The following RHOBTB1 variants were observed in gnomAD, a reference collection of about 807,000 sequenced individuals.
RHOBTB1 encodes Rho related BTB domain containing 1.
A neutral mutation model predicts 71.6 loss-of-function variants in RHOBTB1; 40 were observed. The ratio of observed to expected loss-of-function variants is 0.56; its 90% CI spans 0.43 to 0.73. RHOBTB1 has a LOEUF of 0.73. Ranked by LOEUF, RHOBTB1 falls within the 30% of genes least tolerant of loss-of-function variation. RHOBTB1 has a pLI of 0.00. For missense variants in RHOBTB1, 797 were observed against 894.0 expected (o/e 0.89, Z 1.38); for synonymous variants, 319 against 334.9 (o/e 0.95, Z 0.52).
Position 60,871,417 on chromosome 10 carries a change from G to A in RHOBTB1, c.*65C>T. The A allele has an allele frequency of 5.3e-6, 8 of 1,522,304 alleles. No individual in the cohort carries two copies. The highest frequency in any genetic ancestry group is 7.2e-6 in the Non-Finnish European group (8 of 1,116,360). The allele number at this position is 1,522,304 out of a possible 1,614,324, so 94.3% of individuals were successfully genotyped here. A position where few individuals can be genotyped will look rare whatever the true frequency, so the allele number is the denominator to read the frequency against. On this transcript the variant is annotated 3_prime_UTR_variant, in exon 11 of 11. Transcript: ENST00000337910. ...CTAACAAGACGAATTTTATAGTAGT[G>A]CTTTGAAAAGTGGTGGATCAGATTA...
intron 2 of RHOBTB1, among the ~76,000 whole-genome samples, chr10:60,966,870 A>C (rs2085981015): frequency 7.1e-6 from 1 of 141,384 alleles, no homozygotes; most frequent in Non-Finnish European, 1.5e-5. Flanking sequence ...CCAGTGTGTG[A>C]TGTTCCCCTT....
At position 60,888,661 on chromosome 10, in the gene RHOBTB1, C is replaced by T; in HGVS notation, c.1007G>A (p.Gly336Asp). 1 of 1,614,216 alleles carries T rather than the reference C, an allele frequency of 6.2e-7. No homozygotes were observed. Among genetic ancestry groups the T allele is most frequent in the African/African-American group, 1.3e-5 (1 of 75,060 alleles). The change falls in exon 6 of 11, where the codon GGC becomes GAC. Residue 336 changes from glycine (G) to aspartate (D), a missense_variant. Gly to Asp is a moderately conservative substitution (Grantham distance 94). Transcript: ENST00000337910. ...SVDPEEEREE[G>D]PPRIPQADQW... ...GTCGGCCTGAGGAATCCTAGGCGGG[C>T]CCTCCTCCCTTTCTTCCTCTGGGTC...
intron 2 of RHOBTB1, among the ~76,000 whole-genome samples, chr10:60,955,847 G>A (rs1182425026): frequency 6.6e-6 from 1 of 152,128 alleles, no homozygotes; most frequent in Non-Finnish European, 1.5e-5. Flanking sequence ...GTGCTATCAC[G>A]ATTGATGAAG....
chr10:60,919,301 AT>A (rs1264927239), intron 2 of RHOBTB1, among the ~76,000 whole-genome samples: 4 of 151,136 alleles, frequency 2.6e-5, no homozygotes, highest in Non-Finnish European at 5.9e-5. Flanking sequence ...TAGCCCTGAA[AT>A]AAAAAACTGA....
chr10:60,898,582 G>C lies in RHOBTB1; in HGVS notation c.297-5587C>G, dbSNP rs549591983. ...ATACTCATGGAGGATGGAGAGGCCT[G>C]TAGGGGAGCGCCTGGCAGGGGATCT... On this transcript the variant is annotated intron_variant, in intron 4 of 10. Coordinates refer to ENST00000337910, the MANE Select transcript of RHOBTB1 (RefSeq NM_014836.5). Among the ~76,000 whole-genome samples, 9 of 152,304 alleles carry C rather than the reference G, an allele frequency of 5.9e-5. No homozygotes were observed. In the South Asian group the frequency reaches 1.9e-3, roughly 32 times the overall value.
chr10:60,946,331 A>G (rs58871616), upstream of RHOBTB1, among the ~76,000 whole-genome samples: 8,052 of 152,284 alleles, frequency 0.053, 333 homozygotes, highest in African/African-American at 0.11. Flanking sequence ...CCTCTTCATT[A>G]CAAGCTATTT....
At position 60,955,199 on chromosome 10, in the gene RHOBTB1, CA is replaced by C. The variant is rs1262432568; in HGVS notation, c.-61-13346del. On this transcript the variant is annotated intron_variant, in intron 2 of 11. Transcript: ENST00000357917. ...AGCTGGGATTACAGGCGTGCACCAC[CA>C]CTTCCAGCTAATTTTTGTATTTTTA... 2.6e-5 allele frequency among the ~76,000 whole-genome samples: 4 copies of C among 152,022 alleles called. 1 individual carries two copies.
chr10:60,981,481 C>A (rs984625799), intron 2 of RHOBTB1, among the ~76,000 whole-genome samples: 6 of 152,150 alleles, frequency 3.9e-5, no homozygotes, highest in African/African-American at 1.4e-4. Flanking sequence ...AGCTGAAATG[C>A]AAACTCACGT....
At chr10:60,914,176 A>G (rs141080412) in intron 2 of RHOBTB1, among the ~76,000 whole-genome samples, 24 of 152,336 alleles carry the variant, frequency 1.6e-4, no homozygotes, top group African/African-American at 5.5e-4. Flanking sequence ...TAAGCAAAGA[A>G]GACAGAAAAA....
chr10:60,867,213 C>A (rs2132115289), downstream of RHOBTB1, among the ~76,000 whole-genome samples: 1 of 152,266 alleles, frequency 6.6e-6, no homozygotes, highest in South Asian at 2.1e-4. Flanking sequence ...GGGAGTATCA[C>A]CCTAACTGGG....
chr10:60,981,995 TCCTGA>T (rs572717713), intron 2 of RHOBTB1, among the ~76,000 whole-genome samples: 68 of 152,168 alleles, frequency 4.5e-4, no homozygotes, highest in Non-Finnish European at 8.8e-4. Context: ...GGTCTCAAAC[TCCTGA>T]CCTCAGGTGA....
rs565740605 is a variant in RHOBTB1 at position 60,944,173 on chromosome 10, C to T, written c.-264G>A. The T allele has an allele frequency of 4.2e-3, 643 of 152,088 alleles. 1 individual carries two copies. Among genetic ancestry groups the T allele is most frequent in the Non-Finnish European group, 7.1e-3 (483 of 68,038 alleles). The allele number at this position is 152,088 out of a possible 1,614,324, so 9.4% of individuals were successfully genotyped here. On this transcript the variant is annotated 5_prime_UTR_variant, in exon 1 of 11. Transcript: ENST00000337910. ...CTGCCGCCTCGCCCGGCGCCGTGGC[C>T]GCTCTTCCCAGTCCCGGGCGAGAGG...
At chr10:60,910,507 C>T (rs1406375953) in intron 4 of RHOBTB1, among the ~76,000 whole-genome samples, 2 of 152,100 alleles carry the variant, frequency 1.3e-5, no homozygotes, top group East Asian at 1.9e-4. Context: ...AAAGACCAAA[C>T]AGTCTTTCTG....
At chr10:60,879,510 TA>T (rs200466425) in intron 7 of RHOBTB1, among the ~76,000 whole-genome samples, 174 of 151,520 alleles carry the variant, frequency 1.1e-3, no homozygotes, top group African/African-American at 4.0e-3. Context: ...TTTATTTTAT[TA>T]ATTTTTTTTT....
Position 60,911,438 on chromosome 10 carries a change from C to T in RHOBTB1, c.105G>A (p.Ala35=), listed in dbSNP as rs1189388123. The part of the protein sequence containing the change: ...VGKTRLICAR[A]CNTTLTQYQL... ...GATACTGCGTGAGTGTGGTGTTGCACGCCCTGGCACAGATCAAGCGCGTCT... is the reference window on the plus strand; with the variant it reads ...GATACTGCGTGAGTGTGGTGTTGCATGCCCTGGCACAGATCAAGCGCGTCT... The change falls in exon 3 of 11, where the codon GCG becomes GCA. Residue 35 remains alanine (A), a synonymous_variant. Coordinates refer to ENST00000337910, the MANE Select transcript of RHOBTB1 (RefSeq NM_014836.5). 12 of 1,614,206 alleles carry T rather than the reference C, an allele frequency of 7.4e-6. No individual in the cohort carries two copies. Among genetic ancestry groups the T allele is most frequent in the East Asian group, 4.5e-5 (2 of 44,878 alleles).
At chr10:60,946,426 G>A (rs918718879), upstream of RHOBTB1, among the ~76,000 whole-genome samples, 2 of 151,866 alleles carry the variant, frequency 1.3e-5, no homozygotes, top group Admixed American at 1.3e-4. Flanking sequence ...CCTCATATGT[G>A]GGGGGGCACA....
intron 1 of RHOBTB1, among the ~76,000 whole-genome samples, chr10:60,988,249 T>C (rs781682661): frequency 4.6e-5 from 7 of 152,164 alleles, no homozygotes; most frequent in Non-Finnish European, 1.0e-4. Context: ...TACTCAACTT[T>C]TAACACACAG....
chr10:60,962,115 A>T (rs2085803485), intron 2 of RHOBTB1, among the ~76,000 whole-genome samples: 1 of 152,012 alleles, frequency 6.6e-6, no homozygotes, highest in Non-Finnish European at 1.5e-5. Flanking sequence ...GCCCATTTAT[A>T]ATGGCTTTTT....
At chr10:60,997,341 T>A (rs2087092177) in intron 1 of RHOBTB1, among the ~76,000 whole-genome samples, 1 of 152,202 alleles carries the variant, frequency 6.6e-6, no homozygotes, top group African/African-American at 2.4e-5. Context: ...AATGCAGTTG[T>A]GTGGGTGCAA....
Sources: gnomAD v4.1 joint callset for allele counts (sites outside exome capture counted in the v4.1 genomes callset) on GRCh38, gnomAD v4.1.1 for gene constraint, MANE v1.5 for transcripts, NCBI Gene and HGNC (gene_info 2026-07-23, HGNC 2026-07-21) for gene names.